Variants in GSAP observed in about 807,000 individuals in gnomAD.
The protein encoded by GSAP is gamma-secretase-activating protein.
GSAP carries 118 observed loss-of-function variants against 131.7 expected under a neutral mutation model. The observed-to-expected ratio is 0.90, with a 90% CI of 0.77 to 1.04. The LOEUF is 1.04. GSAP is among the 50% of genes least tolerant of loss of function. GSAP has a pLI of 0.00. For synonymous variants in GSAP, 381 were observed against 363.4 expected, an observed-to-expected ratio of 1.05 and a Z score of -0.55; for missense variants, 1,019 against 1,013.2, an observed-to-expected ratio of 1.01 and a Z score of -0.08.
intron 12 of GSAP, among the ~76,000 whole-genome samples, chr7:77,365,839 A>G (rs1795202751): frequency 2.0e-5 from 3 of 147,168 alleles, no homozygotes; most frequent in Admixed American, 2.0e-4. Flanking sequence ...ACTAACTTAC[A>G]CTCTCATCAA....
intron 21 of GSAP, among the ~76,000 whole-genome samples, 179 bp downstream of exon 21, chr7:77,329,154 A>C (rs1788721656): frequency 6.6e-6 from 1 of 152,248 alleles, no homozygotes; most frequent in South Asian, 2.1e-4. Context: ...TTCCCACCAG[A>C]AATTCCAGCA....
intron 19 of GSAP, among the ~76,000 whole-genome samples, chr7:77,338,402 T>C (rs1790360360): frequency 6.6e-6 from 1 of 152,186 alleles, no homozygotes; most frequent in Non-Finnish European, 1.5e-5. Context: ...AGGAAGTCCT[T>C]TGTCTCTCTA....
At chr7:77,402,347 C>T (rs1320542342) in intron 3 of GSAP, among the ~76,000 whole-genome samples, 1 of 144,750 alleles carries the variant, frequency 6.9e-6, no homozygotes, top group Non-Finnish European at 1.5e-5. Context: ...GAGATTGAGA[C>T]CATCCTGGCC....
rs374312969 is a variant in GSAP at position 77,384,121 on chromosome 7, A to G, written c.457-1478T>C. On this transcript the variant is annotated intron_variant, in intron 6 of 30. Coordinates refer to ENST00000257626, the MANE Select transcript of GSAP (RefSeq NM_017439.4). Reference sequence around the variant, plus strand: ...ATACCAGAGTTGAGGAAAAGCAGAGATGAATGACACCACATATAGGATGGG... The same window carrying G: ...ATACCAGAGTTGAGGAAAAGCAGAGGTGAATGACACCACATATAGGATGGG... Among the ~76,000 whole-genome samples, 10 of 152,376 alleles carry G rather than the reference A, an allele frequency of 6.6e-5. No homozygotes were observed. In the East Asian group the frequency reaches 1.3e-3, roughly 21 times the overall value.
At chr7:77,344,002 C>A (rs1381242260) in intron 19 of GSAP, among the ~76,000 whole-genome samples, 1 of 152,180 alleles carries the variant, frequency 6.6e-6, no homozygotes, top group African/African-American at 2.4e-5. Flanking sequence ...CTGCCCAGGA[C>A]TGGCAAATTA....
intron 26 of GSAP, among the ~76,000 whole-genome samples, chr7:77,320,286 T>C (rs1787451163): frequency 6.6e-6 from 1 of 152,206 alleles, no homozygotes; most frequent in South Asian, 2.1e-4. Flanking sequence ...GGATGTTTTG[T>C]GGCCTGACTT....
At chr7:77,416,047 T>C (rs901887448) in intron 1 of GSAP, among the ~76,000 whole-genome samples, 166 bp downstream of exon 1, 1 of 152,158 alleles carries the variant, frequency 6.6e-6, no homozygotes. Flanking sequence ...TGGCTGGGTG[T>C]GGGTGGCAAA....
intron 7 of GSAP, among the ~76,000 whole-genome samples, 177 bp from the exon 8 acceptor site, chr7:77,381,531 C>T (rs149844177): frequency 5.3e-5 from 8 of 152,250 alleles, no homozygotes; most frequent in African/African-American, 1.9e-4. Context: ...CTTTTTAAAA[C>T]CCATTTTTCT....
intron 6 of GSAP, among the ~76,000 whole-genome samples, chr7:77,384,489 T>C (rs1297046213): frequency 6.6e-6 from 1 of 152,206 alleles, no homozygotes. Flanking sequence ...TAGGATTCTA[T>C]GCAGATTATA....
chr7:77,323,588 A>G lies in GSAP; in HGVS notation c.1923+59T>C, dbSNP rs77517846. The stretch of plus-strand genomic sequence containing the variant: ...AATGGGTTCCCTGCACCACATTTTC[A>G]GAACTATATGGGGAGTGGGGTGAAG... On this transcript the variant is annotated intron_variant, in intron 24 of 30. Coordinates refer to ENST00000257626, the MANE Select transcript of GSAP (RefSeq NM_017439.4). 2.8e-3 allele frequency: 2,184 copies of G among 792,488 alleles called. 33 individuals carry two copies. In the African/African-American group the frequency reaches 0.035, roughly 13 times the overall value. 49.1% of individuals were successfully genotyped at this position (792,488 alleles called of 1,614,324 possible).
chr7:77,387,673 A>G (rs756884722), intron 5 of GSAP, among the ~76,000 whole-genome samples: 13 of 152,172 alleles, frequency 8.5e-5, no homozygotes, highest in Non-Finnish European at 1.6e-4. Flanking sequence ...CCAAAAGAGC[A>G]ATCAGCCCAG....
At position 77,346,270 on chromosome 7, in the gene GSAP, C is replaced by CAA. The variant is rs1223497863; in HGVS notation, c.1545+3079_1545+3080dup. On this transcript the variant is annotated intron_variant, in intron 19 of 30. Coordinates refer to ENST00000257626, the MANE Select transcript of GSAP (RefSeq NM_017439.4). ...GGGCAACGAGAATGAGACTCCATCT[C>CAA]AAAAAAAAAAAAAAAAAAAAGAAAG... is the stretch of plus-strand genomic sequence containing the variant. 5.4e-4 allele frequency among the ~76,000 whole-genome samples: 22 copies of CAA among 40,824 alleles called. 1 individual carries two copies. The highest frequency in any genetic ancestry group is 8.0e-4 in the East Asian group (1 of 1,256). 26.8% of individuals were successfully genotyped at this position (40,824 alleles called of 152,430 possible).
At chr7:77,313,736 G>C (rs964152505) in intron 27 of GSAP, among the ~76,000 whole-genome samples, 187 bp from the exon 28 acceptor site, 5 of 152,154 alleles carry the variant, frequency 3.3e-5, no homozygotes, top group Non-Finnish European at 7.4e-5. Context: ...TTCTATAACA[G>C]GCTGCCAGGT....
chr7:77,405,203 C>T (rs755751692), intron 2 of GSAP, among the ~76,000 whole-genome samples: 3 of 152,202 alleles, frequency 2.0e-5, no homozygotes, highest in Non-Finnish European at 2.9e-5. Context: ...GAGGCAGGAG[C>T]TCAAGGAACC....
At chr7:77,411,433 C>T (rs1401215031) in intron 1 of GSAP, among the ~76,000 whole-genome samples, 3 of 152,156 alleles carry the variant, frequency 2.0e-5, no homozygotes, top group Admixed American at 1.3e-4. Flanking sequence ...GCACGGGATA[C>T]AAAAGTCAAC....
At chr7:77,413,064 A>T (rs771635792) in intron 1 of GSAP, among the ~76,000 whole-genome samples, 4 of 152,186 alleles carry the variant, frequency 2.6e-5, no homozygotes, top group Non-Finnish European at 5.9e-5. Context: ...CCACTGGAAA[A>T]ATAAGTTGGG....
At chr7:77,397,320 C>T (rs758095826) in intron 4 of GSAP, 26 bp downstream of exon 4, 10 of 1,414,786 alleles carry the variant, frequency 7.1e-6, no homozygotes, top group Non-Finnish European at 9.9e-6. Flanking sequence ...CAGTTCTTGA[C>T]ATGTAGCAAT....
intron 5 of GSAP, among the ~76,000 whole-genome samples, chr7:77,390,684 C>G (rs1286309695): frequency 6.6e-6 from 1 of 151,888 alleles, no homozygotes; most frequent in Admixed American, 6.6e-5. Flanking sequence ...AGCACACCAT[C>G]GTGGCACATG....
intron 14 of GSAP, among the ~76,000 whole-genome samples, chr7:77,357,209 A>G (rs1409276751): frequency 6.6e-6 from 1 of 152,180 alleles, no homozygotes; most frequent in Non-Finnish European, 1.5e-5. Context: ...AGTAGGCTCT[A>G]GGGATGGATG....
Sources: gnomAD v4.1 joint callset for allele counts (sites outside exome capture counted in the v4.1 genomes callset) on GRCh38, gnomAD v4.1.1 for gene constraint, MANE v1.5 for transcripts, NCBI Gene and HGNC (gene_info 2026-07-23, HGNC 2026-07-21) for gene names.